Variants in FREM1 observed in about 807,000 individuals in gnomAD.
FREM1 encodes the protein FRAS1-related extracellular matrix protein 1.
In FREM1, 220 loss-of-function variants were observed where a neutral mutation model predicts 210.1. The ratio of observed to expected loss-of-function variants is 1.05; its 90% confidence interval spans 0.94 to 1.17. FREM1 has a LOEUF of 1.17. FREM1 is among the 50% of genes most tolerant of loss of function. The pLI is 0.00. For synonymous variants in FREM1, 1,189 were observed against 980.2 expected (o/e 1.21, Z -3.98); for missense variants, 3,454 against 2,675.5 (o/e 1.29, Z -6.42).
At chr9:14,852,867 A>T (rs892580381) in intron 5 of FREM1, among the ~76,000 whole-genome samples, 1 of 152,254 alleles carries the variant, frequency 6.6e-6, no homozygotes, top group Non-Finnish European at 1.5e-5. Context: ...AAGTTCCAAT[A>T]AAAGAGATTA....
chr9:14,865,024 C>A (rs972286690), intron 2 of FREM1, among the ~76,000 whole-genome samples: 1 of 152,122 alleles, frequency 6.6e-6, no homozygotes, highest in African/African-American at 2.4e-5. Context: ...AAGGCGACAA[C>A]CATAATTGTC....
intron 8 of FREM1, among the ~76,000 whole-genome samples, 186 bp downstream of exon 8, chr9:14,845,774 G>C (rs1012538369): frequency 1.3e-5 from 2 of 152,170 alleles, no homozygotes; most frequent in Admixed American, 1.3e-4. Flanking sequence ...ATTCATAAAT[G>C]GTTAGACATT....
chr9:14,882,115 G>T (rs7870579), intron 1 of FREM1, among the ~76,000 whole-genome samples: 13,827 of 152,052 alleles, frequency 0.091, 1,081 homozygotes, highest in African/African-American at 0.21. Context: ...ATTATTTTGT[G>T]TGTGTGTGTG....
Position 14,851,430 on chromosome 9 carries a change from T to C in FREM1, c.1006A>G (p.Ile336Val), listed in dbSNP as rs1827732515. Residue 336 changes from isoleucine (I) to valine (V), a missense_variant, in exon 6 of 37, where the codon ATT (isoleucine) becomes GTT (valine). Ile to Val is a conservative substitution (Grantham distance 29). Coordinates refer to ENST00000380880, the MANE Select transcript of FREM1 (RefSeq NM_001379081.2). ...ETPKPLLVFN[I>V]TKAPLQGYVT... ...TAGCCCTGGAGCGGGGCTTTAGTAA[T>C]GTTGAACACCAGCAAGGGTTTAGGG... The C allele has an allele frequency of 6.2e-7, 1 of 1,613,806 alleles. No homozygotes were observed. Among genetic ancestry groups the C allele is most frequent in the African/African-American group, 1.3e-5 (1 of 74,894 alleles).
In FREM1 at chr9:14,863,878, T is replaced by A; in HGVS notation, c.260A>T (p.Asn87Ile). The part of the protein sequence containing the change: ...PQVFDCHFLP[N>I]EVKYVHNGCP... ...ACCATTGTGAACATACTTGACTTCG[T>A]TGGGAAGGAAATGGCAGTCAAAGAC... Residue 87 changes from asparagine (N) to isoleucine (I), a missense_variant, in exon 3 of 37, where the codon AAC becomes ATC. By Grantham distance (149) the Asn-to-Ile change is moderately radical (BLOSUM62 -3). Coordinates refer to ENST00000380880, the MANE Select transcript of FREM1 (RefSeq NM_001379081.2). 1 of 1,612,306 alleles carries A rather than the reference T, an allele frequency of 6.2e-7. No homozygotes were observed. Among genetic ancestry groups the A allele is most frequent in the Non-Finnish European group, 8.5e-7 (1 of 1,178,408 alleles).
intron 9 of FREM1, 75 bp downstream of exon 9, chr9:14,842,241 C>A (rs1164695107): frequency 2.9e-5 from 27 of 926,246 alleles, no homozygotes; most frequent in Non-Finnish European, 4.2e-5. Flanking sequence ...TTTCAGCAAA[C>A]CCAGAAGGAT....
chr9:14,776,395 T>A, intron 24 of FREM1, 192 bp from the exon 25 acceptor site: 1 of 501,756 alleles, frequency 2.0e-6, no homozygotes, highest in Non-Finnish European at 3.3e-6. Flanking sequence ...AAATGGACCA[T>A]TCTACACCCA....
At chr9:14,889,079 T>A (rs1235560535) in intron 1 of FREM1, among the ~76,000 whole-genome samples, 2 of 152,244 alleles carry the variant, frequency 1.3e-5, no homozygotes, top group Non-Finnish European at 2.9e-5. Context: ...ATAGTTGCTA[T>A]AATCATCTCA....
rs55912335 is a variant in FREM1 at position 14,902,595 on chromosome 9, G to T, written c.-268+7319C>A. ...GGTGAGGCCACATAGTATCTTGAAT[G>T]CTAAATGGTACACCCAGTGCACTGC... On this transcript the variant is annotated intron_variant, in intron 1 of 36. Coordinates refer to ENST00000380880, the MANE Select transcript of FREM1 (RefSeq NM_001379081.2). Among the ~76,000 whole-genome samples the T allele has an allele frequency of 4.9e-3, 750 of 152,286 alleles. 3 individuals are homozygous for T. Among genetic ancestry groups the T allele is most frequent in the African/African-American group, 0.017 (720 of 41,564 alleles).
At chr9:14,872,594 T>C (rs944764424) in intron 1 of FREM1, among the ~76,000 whole-genome samples, 3 of 152,086 alleles carry the variant, frequency 2.0e-5, no homozygotes, top group African/African-American at 4.8e-5. Flanking sequence ...TTTCTAGATA[T>C]ACAATCATGT....
chr9:14,801,293 C>T lies in FREM1; in HGVS notation c.3694+359G>A, dbSNP rs543126276. On this transcript the variant is annotated intron_variant, in intron 20 of 36. Coordinates refer to ENST00000380880, the MANE Select transcript of FREM1 (RefSeq NM_001379081.2). The stretch of plus-strand genomic sequence containing the variant: ...GATTACAGGCGTGAGCCACCAGGCC[C>T]GGCCACGCTGTGGAATGGTTAAGTC... 3.9e-5 allele frequency among the ~76,000 whole-genome samples: 6 copies of T among 152,296 alleles called. No individual in the cohort carries two copies. In the East Asian group the frequency reaches 5.8e-4, roughly 15 times the overall value.
chr9:14,848,364 G>C (rs111546465), intron 7 of FREM1, among the ~76,000 whole-genome samples: 1 of 152,168 alleles, frequency 6.6e-6, no homozygotes, highest in South Asian at 2.1e-4. Context: ...TCCCACTACA[G>C]CTCAATATCA....
At chr9:14,798,903 A>T (rs1358831866) in intron 20 of FREM1, among the ~76,000 whole-genome samples, 5 of 151,392 alleles carry the variant, frequency 3.3e-5, no homozygotes, top group Admixed American at 6.6e-5. Flanking sequence ...CGAACTCCTG[A>T]CCTCAAGTGA....
intron 2 of FREM1, among the ~76,000 whole-genome samples, chr9:14,867,727 G>T (rs745467859): frequency 1.8e-4 from 28 of 152,166 alleles, no homozygotes; most frequent in Non-Finnish European, 3.5e-4. Context: ...AAAGTTCATA[G>T]TTCAGCAAAA....
At chr9:14,872,909 T>C (rs1230686880) in intron 1 of FREM1, among the ~76,000 whole-genome samples, 1 of 150,976 alleles carries the variant, frequency 6.6e-6, no homozygotes, top group Non-Finnish European at 1.5e-5. Flanking sequence ...AGGCCTTTTC[T>C]GCATCTATTG....
At chr9:14,902,976 C>T (rs1335625649) in intron 1 of FREM1, among the ~76,000 whole-genome samples, 2 of 152,196 alleles carry the variant, frequency 1.3e-5, no homozygotes, top group African/African-American at 2.4e-5. Flanking sequence ...CAGTGTTAAA[C>T]TCTTTGGGTA....
chr9:14,899,298 T>G (rs775850090), intron 1 of FREM1, among the ~76,000 whole-genome samples: 2 of 152,214 alleles, frequency 1.3e-5, no homozygotes, highest in Non-Finnish European at 2.9e-5. Flanking sequence ...CTGCTGCACA[T>G]GCTGGAGTCT....
At chr9:14,879,380 T>G (rs1233691812) in intron 1 of FREM1, among the ~76,000 whole-genome samples, 1 of 152,102 alleles carries the variant, frequency 6.6e-6, no homozygotes, top group Non-Finnish European at 1.5e-5. Flanking sequence ...ATTGGCCAAC[T>G]AGTCTTTCCC....
At chr9:14,845,271 T>C (rs1826385144) in intron 8 of FREM1, among the ~76,000 whole-genome samples, 1 of 152,232 alleles carries the variant, frequency 6.6e-6, no homozygotes, top group African/African-American at 2.4e-5. Context: ...ACATCATTAT[T>C]ACTAAAGTAT....
Sources: allele counts gnomAD v4.1 joint callset (sites outside exome capture counted in the v4.1 genomes callset), GRCh38; gene constraint gnomAD v4.1.1; transcripts MANE v1.5; gene names NCBI Gene and HGNC (gene_info 2026-07-23, HGNC 2026-07-21).